The following ERBB4 variants were observed in gnomAD, a reference collection of about 807,000 sequenced individuals.
ERBB4 encodes receptor tyrosine-protein kinase erbB-4.
ERBB4 carries 42 observed loss-of-function variants against 158.0 expected under a neutral mutation model. That is an observed-to-expected ratio of 0.27 (90% CI 0.21 to 0.34). The LOEUF (loss-of-function observed/expected upper bound fraction) is 0.34, where lower values mean the gene tolerates loss of function less well. Ranked by LOEUF, ERBB4 falls within the 10% of genes least tolerant of loss-of-function variation. The pLI, the probability that ERBB4 is intolerant of heterozygous loss-of-function variation, is 1.00. For synonymous variants in ERBB4, 583 were observed against 558.7 expected, an observed-to-expected ratio of 1.04 and a Z score of -0.61; for missense variants, 1,333 against 1,624.1, an observed-to-expected ratio of 0.82 and a Z score of 3.08.
intron 20 of ERBB4, among the ~76,000 whole-genome samples, chr2:211,515,538 A>G (rs1441593729): frequency 6.6e-6 from 1 of 152,040 alleles, no homozygotes; most frequent in Non-Finnish European, 1.5e-5. Context: ...TTAGAAAGAG[A>G]AGTTAATGAT....
At chr2:211,633,542 G>T in intron 16 of ERBB4, among the ~76,000 whole-genome samples, 1 of 108,320 alleles carries the variant, frequency 9.2e-6, no homozygotes, top group Non-Finnish European at 1.8e-5. Context: ...ATTTAAACAA[G>T]AACACAAAGT....
At chr2:211,591,915 GTGT>G (rs112821787) in intron 19 of ERBB4, among the ~76,000 whole-genome samples, 6,635 of 152,232 alleles carry the variant, frequency 0.044, 476 homozygotes, top group African/African-American at 0.15. Context: ...TGTTGAGGTT[GTGT>G]TGTTGTACCT....
intron 19 of ERBB4, among the ~76,000 whole-genome samples, chr2:211,604,919 G>GA (rs991152973): frequency 1.3e-5 from 2 of 151,956 alleles, no homozygotes; most frequent in East Asian, 1.9e-4. Context: ...TTGCTAATGT[G>GA]AAAAAAAGAC....
At chr2:212,524,534 A>T (rs1692342351) in intron 1 of ERBB4, among the ~76,000 whole-genome samples, 1 of 152,034 alleles carries the variant, frequency 6.6e-6, no homozygotes, top group Admixed American at 6.6e-5. Flanking sequence ...CTCTTGGGAA[A>T]ATGTATAGCA....
chr2:212,162,254 T>C (rs1008096507), intron 1 of ERBB4, among the ~76,000 whole-genome samples: 1 of 151,878 alleles, frequency 6.6e-6, no homozygotes, highest in Non-Finnish European at 1.5e-5. Context: ...AGGAGCAAAT[T>C]ACTCATACAT....
intron 19 of ERBB4, among the ~76,000 whole-genome samples, chr2:211,613,637 TA>T (rs2069279853): frequency 6.6e-6 from 1 of 152,014 alleles, no homozygotes; most frequent in Admixed American, 6.6e-5. Flanking sequence ...TAGGAAGACA[TA>T]TAAATGTCAA....
intron 1 of ERBB4, among the ~76,000 whole-genome samples, chr2:212,339,145 T>C (rs1012733781): frequency 6.6e-6 from 1 of 152,096 alleles, no homozygotes; most frequent in Non-Finnish European, 1.5e-5. Context: ...TTAGCTATCT[T>C]TCCTAATTCT....
chr2:211,740,270 T>C (rs1403916541), intron 5 of ERBB4, among the ~76,000 whole-genome samples: 1 of 152,122 alleles, frequency 6.6e-6, no homozygotes, highest in African/African-American at 2.4e-5. Context: ...TAGTAATATA[T>C]ACAAATTATT....
chr2:212,240,665 A>AAAAAAAAAAAAAAAAAAAAAC (rs1559823350), intron 1 of ERBB4, among the ~76,000 whole-genome samples: 5 of 145,900 alleles, frequency 3.4e-5, no homozygotes, highest in African/African-American at 1.3e-4. Flanking sequence ...AAAAAAAAAA[A>AAAAAAAAAAAAAAAAAAAAAC]AACAGAAAAA....
In ERBB4 at chr2:212,329,459, G is replaced by GT. The variant is rs1224776386; in HGVS notation, c.83-204557_83-204556insA. ...ATTGATTACATGGTCATAGCCTACT[G>GT]AGGTTTGATTTAGTTTTTAAAGAAA... On this transcript the variant is annotated intron_variant, in intron 1 of 27. Coordinates refer to ENST00000342788, the MANE Select transcript of ERBB4 (RefSeq NM_005235.3). 2.0e-5 allele frequency among the ~76,000 whole-genome samples: 3 copies of GT among 152,172 alleles called. No homozygotes were observed. The East Asian group carries it at 5.8e-4, about 30-fold the overall frequency.
chr2:211,893,238 C>G (rs867533153), intron 3 of ERBB4, among the ~76,000 whole-genome samples: 1 of 138,728 alleles, frequency 7.2e-6, no homozygotes, highest in African/African-American at 2.9e-5. Context: ...CAGAACAGAG[C>G]CCTCAGAAAT....
intron 1 of ERBB4, among the ~76,000 whole-genome samples, chr2:212,430,555 C>T (rs1340865253): frequency 6.6e-6 from 1 of 152,040 alleles, no homozygotes; most frequent in Non-Finnish European, 1.5e-5. Flanking sequence ...ATTCTCCTGC[C>T]TCAGCCTCCC....
intron 1 of ERBB4, among the ~76,000 whole-genome samples, chr2:212,164,943 T>C (rs13035998): frequency 0.62 from 93,435 of 151,290 alleles, 30,151 homozygotes; most frequent in African/African-American, 0.71. Context: ...TGGACAAACT[T>C]GACTTTGAAG....
At chr2:211,452,623 A>G (rs970114481) in intron 20 of ERBB4, among the ~76,000 whole-genome samples, 1 of 152,196 alleles carries the variant, frequency 6.6e-6, no homozygotes, top group Non-Finnish European at 1.5e-5. Flanking sequence ...TCTGTTACCA[A>G]CTATCTCAAC....
At chr2:211,466,015 C>G (rs1362049740) in intron 20 of ERBB4, among the ~76,000 whole-genome samples, 5 of 152,054 alleles carry the variant, frequency 3.3e-5, no homozygotes, top group Non-Finnish European at 7.4e-5. Context: ...TTATTAAGGT[C>G]TTGTTTGGAA....
chr2:212,433,466 C>A (rs2092073636), intron 1 of ERBB4, among the ~76,000 whole-genome samples: 1 of 152,070 alleles, frequency 6.6e-6, no homozygotes, highest in South Asian at 2.1e-4. Flanking sequence ...AAAAGGCCAA[C>A]ATATTCAATC....
chr2:212,303,058 T>A (rs2086678674), intron 1 of ERBB4, among the ~76,000 whole-genome samples: 1 of 151,180 alleles, frequency 6.6e-6, no homozygotes, highest in Non-Finnish European at 1.5e-5. Flanking sequence ...AGACCTAAGT[T>A]TATTATTTTC....
At chr2:212,495,092 C>G (rs1158978768) in intron 1 of ERBB4, among the ~76,000 whole-genome samples, 1 of 152,108 alleles carries the variant, frequency 6.6e-6, no homozygotes, top group Non-Finnish European at 1.5e-5. Context: ...CTTCAGACGA[C>G]CTCAACTACC....
intron 20 of ERBB4, among the ~76,000 whole-genome samples, chr2:211,447,180 C>A (rs2064131544): frequency 6.6e-6 from 1 of 152,034 alleles, no homozygotes; most frequent in African/African-American, 2.4e-5. Flanking sequence ...GTTGGACTAC[C>A]TTTATATGAC....
Sources: gnomAD v4.1 joint callset for allele counts (sites outside exome capture counted in the v4.1 genomes callset) on GRCh38, gnomAD v4.1.1 for gene constraint, MANE v1.5 for transcripts, NCBI Gene and HGNC (gene_info 2026-07-23, HGNC 2026-07-21) for gene names.